The following TRAF3 variants were observed in gnomAD, a reference collection of about 807,000 sequenced individuals.
TRAF3 encodes TNF receptor-associated factor 3.
A neutral mutation model predicts 62.3 loss-of-function variants in TRAF3; 13 were observed. That is an observed-to-expected ratio of 0.21 (90% CI 0.14 to 0.33). The LOEUF (loss-of-function observed/expected upper bound fraction) is 0.33. Among genes scored for constraint, TRAF3 ranks in the 10% least tolerant of loss-of-function variants. The pLI is 1.00. For synonymous variants in TRAF3, 269 were observed against 283.4 expected (o/e 0.95, Z 0.51); for missense variants, 440 against 741.8 (o/e 0.59, Z 4.73).
rs1472967969 is a variant in TRAF3, at chr14:102,911,113, T to C, written c.*5329T>C. The C allele has an allele frequency of 6.6e-6, 1 of 152,254 alleles. No individual in the cohort carries two copies. Among genetic ancestry groups the C allele is most frequent in the African/African-American group, 2.4e-5 (1 of 41,466 alleles). 9.4% of individuals were successfully genotyped at this position (152,254 alleles called of 1,614,324 possible). On this transcript the variant is annotated 3_prime_UTR_variant, in exon 12 of 12. Transcript: ENST00000392745. ...CTCTCATTTGACCCTGTCTTTTTAA[T>C]CTGCCTGTTTTAAAAGTTGCGTCTG...
intron 1 of TRAF3, among the ~76,000 whole-genome samples, chr14:102,804,529 C>T (rs1035020975): frequency 5.9e-5 from 9 of 152,044 alleles, no homozygotes; most frequent in Non-Finnish European, 1.2e-4. Flanking sequence ...ACTCTGTTGC[C>T]CAGGCTGGAA....
chr14:102,820,037 G>T (rs1899795441), intron 1 of TRAF3, among the ~76,000 whole-genome samples: 1 of 151,626 alleles, frequency 6.6e-6, no homozygotes. Context: ...CCGTGTAGGG[G>T]GTGGGTGGTC....
At chr14:102,848,019 C>T (rs765194134) in intron 2 of TRAF3, among the ~76,000 whole-genome samples, 5 of 152,182 alleles carry the variant, frequency 3.3e-5, no homozygotes, top group Admixed American at 6.5e-5. Flanking sequence ...TCGGCCCTAC[C>T]CTTCCCTAGA....
At chr14:102,887,428 C>T (rs1451043465) in intron 7 of TRAF3, among the ~76,000 whole-genome samples, 1 of 152,246 alleles carries the variant, frequency 6.6e-6, no homozygotes, top group Non-Finnish European at 1.5e-5. Context: ...AGGGTGTGCC[C>T]TCCCAGCACC....
chr14:102,790,361 T>C (rs1275695169), intron 1 of TRAF3, among the ~76,000 whole-genome samples: 1 of 152,246 alleles, frequency 6.6e-6, no homozygotes, highest in African/African-American at 2.4e-5. Flanking sequence ...CTCAGTTCTA[T>C]TCTGTTGCTC....
intron 7 of TRAF3, 122 bp from the exon 8 acceptor site, chr14:102,889,438 C>A: frequency 2.0e-6 from 2 of 994,700 alleles, no homozygotes; most frequent in Non-Finnish European, 3.2e-6. Context: ...ATGATATATA[C>A]ACACCTGTAG....
Position 102,876,366 on chromosome 14 carries a change from A to G in TRAF3, c.411A>G (p.Leu137=), listed in dbSNP as rs1346610499. The G allele has an allele frequency of 3.1e-6, 5 of 1,614,104 alleles. No individual in the cohort carries two copies. Among genetic ancestry groups the G allele is most frequent in the Non-Finnish European group, 8.5e-7 (1 of 1,179,954 alleles). The part of the protein sequence containing the change: ...QLMLGHLLVH[L]KNDCHFEELP... ...AATGGTCTGTCTTACAGGTGCATTT[A>G]AAAAATGATTGCCATTTTGAAGAAC... The change falls in exon 6 of 12, where the codon TTA becomes TTG. Residue 137 remains leucine (L), a synonymous_variant. Transcript: ENST00000392745.
intron 1 of TRAF3, among the ~76,000 whole-genome samples, chr14:102,789,004 A>C (rs912468809): frequency 2.0e-5 from 3 of 151,886 alleles, no homozygotes; most frequent in Non-Finnish European, 2.9e-5. Flanking sequence ...ATCCCCCTTT[A>C]CCCATTAAGT....
At chr14:102,795,718 A>G (rs1462404291) in intron 1 of TRAF3, among the ~76,000 whole-genome samples, 1 of 151,862 alleles carries the variant, frequency 6.6e-6, no homozygotes, top group Non-Finnish European at 1.5e-5. Flanking sequence ...TCAGCTGCCC[A>G]AGGCAGGACT....
intron 2 of TRAF3, among the ~76,000 whole-genome samples, chr14:102,839,127 G>A (rs536227665): frequency 5.4e-4 from 81 of 151,356 alleles, no homozygotes; most frequent in South Asian, 1.3e-3. Flanking sequence ...TTGGGAGTTC[G>A]GAACGCCTAC....
Position 102,869,704 on chromosome 14 carries a change from G to T in TRAF3, c.-17-481G>T, listed in dbSNP as rs141924912. ...GCCTGTAGTCTCAGCTACTCGGGAG[G>T]CTGAGGCAGGAGAATGGCATGAACC... is the stretch of plus-strand genomic sequence containing the variant. On this transcript the variant is annotated intron_variant, in intron 2 of 11. Coordinates refer to ENST00000392745, the MANE Select transcript of TRAF3 (RefSeq NM_145725.3). Among the ~76,000 whole-genome samples, 860 of 151,928 alleles carry T rather than the reference G, an allele frequency of 5.7e-3. 8 individuals carry two copies. The highest frequency in any genetic ancestry group is 9.7e-3 in the Admixed American group (148 of 15,278).
In TRAF3 at chr14:102,908,931, C is replaced by T. The variant is rs1448177888; in HGVS notation, c.*3147C>T. ...TGACCACACTGAGCCACGTGCAAGC[C>T]GCAGCCGGGCCTGGAAGCCTGACCC... is the stretch of plus-strand genomic sequence containing the variant. On this transcript the variant is annotated 3_prime_UTR_variant, in exon 12 of 12. Transcript: ENST00000392745. 3.3e-5 allele frequency: 5 copies of T among 152,444 alleles called. No homozygotes were observed. Among genetic ancestry groups the T allele is most frequent in the Non-Finnish European group, 4.4e-5 (3 of 68,086 alleles). 9.4% of individuals were successfully genotyped at this position (152,444 alleles called of 1,614,324 possible).
At chr14:102,882,295 C>T (rs561749486) in intron 6 of TRAF3, among the ~76,000 whole-genome samples, 21 of 152,340 alleles carry the variant, frequency 1.4e-4, no homozygotes, top group African/African-American at 4.8e-4. Flanking sequence ...AATTGCACTT[C>T]ATGCTTGAGA....
chr14:102,786,810 T>C (rs1170358632), intron 1 of TRAF3, among the ~76,000 whole-genome samples: 1 of 152,182 alleles, frequency 6.6e-6, no homozygotes, highest in Non-Finnish European at 1.5e-5. Context: ...CATAGTGTTA[T>C]AAGACCTTGT....
At chr14:102,895,090 GTC>G in intron 9 of TRAF3, 1 of 455,964 alleles carries the variant, frequency 2.2e-6, no homozygotes, top group Non-Finnish European at 4.4e-6. Flanking sequence ...AGAATAAAGA[GTC>G]TGAGAATTCT....
rs778682228 is a variant in TRAF3, at chr14:102,903,380, C to T, written c.1086C>T (p.Thr362=). 11 of 1,614,066 alleles carry T rather than the reference C, an allele frequency of 6.8e-6. No individual in the cohort carries two copies. Among genetic ancestry groups the T allele is most frequent in the Middle Eastern group, 3.3e-4 (2 of 6,062 alleles). The change falls in exon 11 of 12, where the codon ACC becomes ACT. Residue 362 remains threonine (T), a synonymous_variant. Transcript: ENST00000392745. The surrounding 1 kb of genome is among the most constrained non-coding windows in gnomAD (Gnocchi z 6.4). ...TGGAGTCCCTCCAGAACCGCGTGACCGAGCTGGAGAGCGTGGACAAGAGCG... is the reference window on the plus strand; with the variant it reads ...TGGAGTCCCTCCAGAACCGCGTGACTGAGCTGGAGAGCGTGGACAAGAGCG... ...SSVESLQNRV[T]ELESVDKSAG... is the part of the protein sequence containing the mutation.
At chr14:102,814,014 T>C (rs546100115) in intron 1 of TRAF3, among the ~76,000 whole-genome samples, 1 of 152,340 alleles carries the variant, frequency 6.6e-6, no homozygotes, top group Admixed American at 6.5e-5. Context: ...ATTTCCCCTA[T>C]GTTTTGTAGT....
chr14:102,800,979 C>CCTAA lies in TRAF3; in HGVS notation c.-157+23305_-157+23306insTAAC, dbSNP rs1555366320. Among the ~76,000 whole-genome samples the CCTAA allele has an allele frequency of 6.1e-5, 9 of 147,288 alleles. No homozygotes were observed. The East Asian group carries it at 1.5e-3, about 25-fold the overall frequency. On this transcript the variant is annotated intron_variant, in intron 1 of 11. Coordinates refer to ENST00000392745, the MANE Select transcript of TRAF3 (RefSeq NM_145725.3). The stretch of plus-strand genomic sequence containing the variant: ...GGATCACGAGGTCAGGAGATCGAGA[C>CCTAA]CACGGTGAAACCCCGTCTCTACTAA...
chr14:102,784,292 G>T (rs1171753600), intron 1 of TRAF3, among the ~76,000 whole-genome samples: 1 of 141,492 alleles, frequency 7.1e-6, no homozygotes, highest in South Asian at 2.1e-4. Flanking sequence ...GCACGATCTC[G>T]ACTCACTGCA....
Sources: gnomAD v4.1 joint callset for allele counts (sites outside exome capture counted in the v4.1 genomes callset) on GRCh38, gnomAD v4.1.1 for gene constraint, Gnocchi (gnomAD v3.1) non-coding constraint, MANE v1.5 for transcripts, NCBI Gene and HGNC (gene_info 2026-07-23, HGNC 2026-07-21) for gene names.